Variants in ZNF280D observed in about 807,000 individuals in gnomAD.
ZNF280D encodes the protein zinc finger protein 280D, also known as suppressor of hairy wing homolog 4.
Under a neutral mutation model 94.7 loss-of-function variants are expected in ZNF280D, and 39 were observed. The ratio of observed to expected loss-of-function variants is 0.41; its 90% CI spans 0.32 to 0.54. The LOEUF is 0.54. ZNF280D is among the 20% of genes least tolerant of loss of function. The pLI, the probability that ZNF280D is intolerant of heterozygous loss-of-function variation, is 0.22. For missense variants in ZNF280D, 1,090 were observed against 1,149.3 expected, an observed-to-expected ratio of 0.95 and a Z score of 0.75; for synonymous variants, 398 against 377.6, an observed-to-expected ratio of 1.05 and a Z score of -0.63.
At chr15:56,726,700 G>C (rs1381589982) in intron 1 of ZNF280D, among the ~76,000 whole-genome samples, 1 of 152,132 alleles carries the variant, frequency 6.6e-6, no homozygotes, top group Non-Finnish European at 1.5e-5. Context: ...TAATGCATTA[G>C]CCTTAATTGT....
intron 12 of ZNF280D, among the ~76,000 whole-genome samples, 160 bp downstream of exon 12, chr15:56,677,414 C>T (rs999492352): frequency 1.3e-5 from 2 of 152,150 alleles, no homozygotes; most frequent in Non-Finnish European, 2.9e-5. Flanking sequence ...AAACAAAAGC[C>T]TGTGGACCAA....
At chr15:56,679,708 G>C (rs1488877840) in intron 10 of ZNF280D, among the ~76,000 whole-genome samples, 1 of 152,106 alleles carries the variant, frequency 6.6e-6, no homozygotes, top group African/African-American at 2.4e-5. Context: ...TATTCACTTT[G>C]AATCCCTAAA....
At chr15:56,685,393 T>G (rs1236399503) in intron 9 of ZNF280D, among the ~76,000 whole-genome samples, 1 of 148,178 alleles carries the variant, frequency 6.7e-6, no homozygotes, top group African/African-American at 2.4e-5. Flanking sequence ...TCATATGCCC[T>G]GACAATGGAA....
intron 6 of ZNF280D, among the ~76,000 whole-genome samples, chr15:56,696,482 G>A (rs1416561294): frequency 6.6e-6 from 1 of 152,132 alleles, no homozygotes; most frequent in African/African-American, 2.4e-5. Flanking sequence ...TGATGGAGCT[G>A]GAAATAGAAT....
At chr15:56,690,291 A>G (rs1239890860) in intron 7 of ZNF280D, among the ~76,000 whole-genome samples, 2 of 152,148 alleles carry the variant, frequency 1.3e-5, no homozygotes, top group African/African-American at 4.8e-5. Flanking sequence ...CTGAGGCAGG[A>G]GAATGGCATG....
chr15:56,652,054 A>C (rs1410646354), intron 19 of ZNF280D, among the ~76,000 whole-genome samples: 1 of 93,690 alleles, frequency 1.1e-5, no homozygotes, highest in Non-Finnish European at 2.5e-5. Flanking sequence ...AAAAAAAAAA[A>C]CAACTAGTAT....
intron 13 of ZNF280D, among the ~76,000 whole-genome samples, chr15:56,670,113 ATATAAT>A (rs1343053668): frequency 3.2e-5 from 4 of 125,392 alleles, no homozygotes; most frequent in Admixed American, 1.0e-4. Flanking sequence ...ATTATACAAC[ATATAAT>A]TATAAAGGAA....
intron 1 of ZNF280D, among the ~76,000 whole-genome samples, chr15:56,717,740 C>T (rs2058122803): frequency 6.6e-6 from 1 of 152,030 alleles, no homozygotes; most frequent in Admixed American, 6.6e-5. Flanking sequence ...GTAAGTATCT[C>T]GCCCAAAGTA....
intron 1 of ZNF280D, among the ~76,000 whole-genome samples, chr15:56,712,976 G>A (rs2057850003): frequency 6.6e-6 from 1 of 152,088 alleles, no homozygotes; most frequent in Admixed American, 6.6e-5. Flanking sequence ...CTGAACTCAA[G>A]TGATCTGCCC....
rs938717408 is a variant in ZNF280D at position 56,652,548 on chromosome 15, T to C, written c.2213+1650A>G. On this transcript the variant is annotated intron_variant, in intron 19 of 21. Transcript: ENST00000267807. ...ATAAAAAGTTTAGATCTATATTCAA[T>C]GTAACTAAAATAAACACATGACAAA... 23 of 774,040 alleles carry C rather than the reference T, an allele frequency of 3.0e-5. No homozygotes were observed. In the African/African-American group the frequency reaches 4.3e-4, roughly 15 times the overall value. 47.9% of individuals were successfully genotyped at this position (774,040 alleles called of 1,614,324 possible).
At chr15:56,670,313 A>G (rs2054775882) in intron 13 of ZNF280D, among the ~76,000 whole-genome samples, 2 of 151,138 alleles carry the variant, frequency 1.3e-5, no homozygotes, top group Admixed American at 1.3e-4. Flanking sequence ...CCAGGCATTC[A>G]TTAGTTATTT....
At chr15:56,638,728 C>A (rs1432620312) in intron 20 of ZNF280D, among the ~76,000 whole-genome samples, 1 of 151,782 alleles carries the variant, frequency 6.6e-6, no homozygotes, top group African/African-American at 2.4e-5. Flanking sequence ...TTATTTTTGA[C>A]AATAGTTTTA....
At chr15:56,642,894 T>C (rs2052698963) in intron 20 of ZNF280D, 58 bp downstream of exon 20, 6 of 1,262,130 alleles carry the variant, frequency 4.8e-6, no homozygotes, top group East Asian at 3.0e-5. Flanking sequence ...TTTTATATCA[T>C]ACCAATAATA....
rs2052074334 is a variant in ZNF280D, at chr15:56,631,574, T to C, written c.2864A>G (p.Asp955Gly). 1 of 1,613,996 alleles carries C rather than the reference T, an allele frequency of 6.2e-7. No individual in the cohort carries two copies. Among genetic ancestry groups the C allele is most frequent in the African/African-American group, 1.3e-5 (1 of 74,924 alleles). ...AGGGTTATTTCCTCCAGGAATGTCA[T>C]CTGTTTGATCAGACACTACTTCATC... ...KTDEVVSDQT[D>G]DIPGGNNPST... is the part of the protein sequence containing the mutation. The change falls in exon 22 of 22, where the codon GAT (aspartate) becomes GGT (glycine). Residue 955 changes from aspartate to glycine, a missense_variant. Around this residue, in one of 3 missense-constraint regions of ZNF280D, gnomAD observed 577 missense variants for 568.8 expected, o/e 1.01. Coordinates refer to ENST00000267807, the MANE Select transcript of ZNF280D (RefSeq NM_017661.4).
rs1412840158 is a variant in ZNF280D at position 56,666,355 on chromosome 15, A to T, written c.1994+40T>A. ...TTTTGAAACAGAAACTTGCTGAACT[A>T]TAATTTTAATTGGCAATTTACACAT... On this transcript the variant is annotated intron_variant, in intron 16 of 21. Coordinates refer to ENST00000267807, the MANE Select transcript of ZNF280D (RefSeq NM_017661.4). 1.9e-6 allele frequency: 3 copies of T among 1,589,386 alleles called. No individual in the cohort carries two copies. In the East Asian group the frequency reaches 6.9e-5, roughly 36 times the overall value.
chr15:56,652,312 A>T (rs2053254036), intron 19 of ZNF280D, among the ~76,000 whole-genome samples: 3 of 152,168 alleles, frequency 2.0e-5, no homozygotes, highest in African/African-American at 7.2e-5. Flanking sequence ...AAATTTAAGA[A>T]ATTAGTATAG....
At chr15:56,694,527 C>T (rs1255216353) in intron 6 of ZNF280D, among the ~76,000 whole-genome samples, 1 of 152,084 alleles carries the variant, frequency 6.6e-6, no homozygotes, top group East Asian at 1.9e-4. Flanking sequence ...TGAGAGAATT[C>T]AGAAGTCAAA....
intron 13 of ZNF280D, among the ~76,000 whole-genome samples, chr15:56,669,929 ATATATATT>A (rs2054652107): frequency 5.4e-4 from 5 of 9,278 alleles, no homozygotes; most frequent in Non-Finnish European, 5.6e-4. Flanking sequence ...TATATATTAT[ATATATATT>A]ATATATATAT....
chr15:56,669,866 ATATATTTTATATAT>A, intron 13 of ZNF280D, among the ~76,000 whole-genome samples: 1 of 9,196 alleles, frequency 1.1e-4, no homozygotes, highest in Admixed American at 2.8e-3. Flanking sequence ...TTATATATAT[ATATATTTTATATAT>A]ATATATATTA....
Sources: gnomAD v4.1 joint callset for allele counts (sites outside exome capture counted in the v4.1 genomes callset) on GRCh38, gnomAD v4.1.1 for gene constraint, gnomAD v4.1.1 regional missense constraint, MANE v1.5 for transcripts, NCBI Gene and HGNC (gene_info 2026-07-23, HGNC 2026-07-21) for gene names.